DEPDC5: variants seen among roughly 807,000 people sequenced by gnomAD.
The protein encoded by DEPDC5 is GATOR1 complex protein DEPDC5.
Under a neutral mutation model 217.3 loss-of-function variants are expected in DEPDC5, and 73 were observed. The ratio of observed to expected loss-of-function variants is 0.34; its 90% confidence interval spans 0.28 to 0.41. DEPDC5 has a LOEUF of 0.41. Ranked by LOEUF, DEPDC5 falls within the 10% of genes least tolerant of loss-of-function variation. The pLI is 1.00. For synonymous variants in DEPDC5, 733 were observed against 756.7 expected (o/e 0.97, Z 0.51); for missense variants, 1,675 against 2,070.1 (o/e 0.81, Z 3.70).
intron 24 of DEPDC5, among the ~76,000 whole-genome samples, chr22:31,829,669 A>T (rs2090444071): frequency 6.6e-6 from 1 of 152,128 alleles, no homozygotes; most frequent in Non-Finnish European, 1.5e-5. Flanking sequence ...TTCATATGTG[A>T]ATCATGATTC....
chr22:31,863,545 C>T (rs932909040), intron 33 of DEPDC5, among the ~76,000 whole-genome samples: 1 of 152,140 alleles, frequency 6.6e-6, no homozygotes, highest in Non-Finnish European at 1.5e-5. Context: ...TTATATTACC[C>T]ACCAGGTGTT....
At chr22:31,866,313 G>C (rs2092687598) in intron 33 of DEPDC5, among the ~76,000 whole-genome samples, 1 of 152,008 alleles carries the variant, frequency 6.6e-6, no homozygotes, top group Admixed American at 6.6e-5. Context: ...TTCTATTCTA[G>C]GATCCAATCT....
chr22:31,810,677 A>G, intron 20 of DEPDC5, 36 bp downstream of exon 20: 3 of 1,611,398 alleles, frequency 1.9e-6, no homozygotes, highest in Non-Finnish European at 2.5e-6. Context: ...TGCATATAAA[A>G]ATTGTGTAGG....
intron 20 of DEPDC5, among the ~76,000 whole-genome samples, chr22:31,812,287 G>A (rs577388671): frequency 1.1e-4 from 16 of 151,820 alleles, no homozygotes; most frequent in African/African-American, 1.9e-4. Context: ...CACCGCACCC[G>A]GCCTCATCTT....
At position 31,877,454 on chromosome 22, in the gene DEPDC5, A is replaced by C. The variant is rs895111788; in HGVS notation, c.3805+1189A>C. On this transcript the variant is annotated intron_variant, in intron 37 of 42. Transcript: ENST00000651528. ...TCCATCTCAAAAAAAAAAAAAAAAA[A>C]AAAAAAAAAAAAACAGGCCGGGCAC... Among the ~76,000 whole-genome samples the C allele has an allele frequency of 3.3e-4, 48 of 143,956 alleles. No homozygotes were observed. In the East Asian group the frequency reaches 6.2e-3, roughly 19 times the overall value. The allele number at this position is 143,956 out of a possible 152,430, so 94.4% of individuals were successfully genotyped here.
intron 23 of DEPDC5, among the ~76,000 whole-genome samples, chr22:31,822,478 G>T (rs1016292190): frequency 6.6e-6 from 1 of 152,212 alleles, no homozygotes; most frequent in East Asian, 1.9e-4. Context: ...AAAGCAGCAG[G>T]GGTGCCAGGG....
intron 7 of DEPDC5, among the ~76,000 whole-genome samples, chr22:31,773,897 C>T (rs2083577753): frequency 6.6e-6 from 1 of 152,058 alleles, no homozygotes; most frequent in African/African-American, 2.4e-5. Context: ...CATGGTGAAA[C>T]CCTGTCTCTA....
chr22:31,764,849 G>C, intron 4 of DEPDC5, 126 bp from the exon 5 acceptor site: 2 of 657,590 alleles, frequency 3.0e-6, no homozygotes, highest in South Asian at 3.9e-5. Context: ...GAAAGGAAGA[G>C]ACTGTGTGTT....
intron 14 of DEPDC5, among the ~76,000 whole-genome samples, chr22:31,799,533 A>C (rs1039903513): frequency 1.4e-5 from 2 of 146,420 alleles, no homozygotes; most frequent in African/African-American, 5.1e-5. Flanking sequence ...TCCAGGCTGG[A>C]ATGTAGTGGT....
chr22:31,804,928 T>C lies in DEPDC5; in HGVS notation c.1217+13T>C, dbSNP rs757511811. 6.2e-7 allele frequency: 1 copy of C among 1,610,828 alleles called. No individual in the cohort carries two copies. Among genetic ancestry groups the C allele is most frequent in the Non-Finnish European group, 8.5e-7 (1 of 1,177,898 alleles). ...GGATAAACCACAGGTGGGTGCGATC[T>C]CGATCAATAGTAGGTGATAAGCGTT... On this transcript the variant is annotated intron_variant, in intron 17 of 42. Coordinates refer to ENST00000651528, the MANE Select transcript of DEPDC5 (RefSeq NM_001242896.3).
At chr22:31,822,544 A>T in intron 23 of DEPDC5, 149 bp from the exon 24 acceptor site, 1 of 689,668 alleles carries the variant, frequency 1.4e-6, no homozygotes. Flanking sequence ...GTGGCTTAAG[A>T]TAAGGATTCC....
intron 33 of DEPDC5, among the ~76,000 whole-genome samples, chr22:31,869,331 G>A (rs1287260775): frequency 6.6e-6 from 1 of 152,172 alleles, no homozygotes; most frequent in African/African-American, 2.4e-5. Context: ...AGAGGGAGAT[G>A]GATCTCCTTG....
At chr22:31,882,503 A>C (rs563462487) in intron 38 of DEPDC5, among the ~76,000 whole-genome samples, 2 of 152,322 alleles carry the variant, frequency 1.3e-5, no homozygotes, top group East Asian at 3.9e-4. Flanking sequence ...CCACGAATCC[A>C]AGTGACACCT....
At chr22:31,857,336 T>C in intron 31 of DEPDC5, 109 bp from the exon 32 acceptor site, 1 of 827,576 alleles carries the variant, frequency 1.2e-6, no homozygotes, top group Middle Eastern at 2.3e-4. Context: ...AAGGCAGAAG[T>C]GTGTGTTTCA....
intron 13 of DEPDC5, 111 bp downstream of exon 13, chr22:31,797,814 C>G: frequency 2.4e-6 from 2 of 835,372 alleles, no homozygotes; most frequent in East Asian, 5.3e-5. Flanking sequence ...TGTGTAGTTT[C>G]TGCTTTTGGT....
intron 24 of DEPDC5, among the ~76,000 whole-genome samples, chr22:31,829,395 G>A (rs990147912): frequency 6.6e-6 from 1 of 152,262 alleles, no homozygotes; most frequent in East Asian, 1.9e-4. Flanking sequence ...AGCTGGGCGT[G>A]GTGGCGGGCG....
chr22:31,843,892 T>C, intron 29 of DEPDC5, 80 bp downstream of exon 29: 1 of 1,388,076 alleles, frequency 7.2e-7, no homozygotes, highest in East Asian at 2.4e-5. Context: ...TTTCTGCCCT[T>C]TCTCTCTCTC....
chr22:31,770,791 CTT>C (rs1156973076), intron 7 of DEPDC5, among the ~76,000 whole-genome samples: 88 of 120,086 alleles, frequency 7.3e-4, no homozygotes, highest in African/African-American at 1.5e-3. Flanking sequence ...ATCTACTTTT[CTT>C]TTTTTTTTTT....
rs1422973978 is a variant in DEPDC5 at position 31,834,148 on chromosome 22, T to C, written c.2170+168T>C. On this transcript the variant is annotated intron_variant, in intron 25 of 42. Coordinates refer to ENST00000651528, the MANE Select transcript of DEPDC5 (RefSeq NM_001242896.3). ...AGGGAGGACTCTCTGGACTCTGTGATGGAAAGTGAGGGGGTGTGTGACTGA... is the reference window on the plus strand; with the variant it reads ...AGGGAGGACTCTCTGGACTCTGTGACGGAAAGTGAGGGGGTGTGTGACTGA... 3 of 748,418 alleles carry C rather than the reference T, an allele frequency of 4.0e-6. No homozygotes were observed. In the Admixed American group the frequency reaches 5.8e-5, roughly 15 times the overall value. 46.4% of individuals were successfully genotyped at this position (748,418 alleles called of 1,614,324 possible). A position where few individuals can be genotyped will look rare whatever the true frequency, so the allele number is the denominator to read the frequency against.
Sources: allele counts gnomAD v4.1 joint callset (sites outside exome capture counted in the v4.1 genomes callset), GRCh38; gene constraint gnomAD v4.1.1; transcripts MANE v1.5; gene names NCBI Gene and HGNC (gene_info 2026-07-23, HGNC 2026-07-21).